The following PUS7 variants were observed in gnomAD, a reference collection of about 807,000 sequenced individuals.
PUS7 encodes pseudouridine synthase 7.
Under a neutral mutation model 79.8 loss-of-function variants are expected in PUS7, and 48 were observed. The ratio of observed to expected loss-of-function variants is 0.60; its 90% CI spans 0.48 to 0.76. The LOEUF (loss-of-function observed/expected upper bound fraction) is 0.76, where lower values mean the gene tolerates loss of function less well. Ranked by LOEUF, PUS7 falls within the 30% of genes least tolerant of loss-of-function variation. The pLI, the probability that PUS7 is intolerant of heterozygous loss-of-function variation, is 0.00. For synonymous variants in PUS7, 286 were observed against 272.2 expected (o/e 1.05, Z -0.50); for missense variants, 729 against 797.6 (o/e 0.91, Z 1.04).
chr7:105,503,696 G>A (rs888815020), intron 4 of PUS7, among the ~76,000 whole-genome samples: 1 of 152,054 alleles, frequency 6.6e-6, no homozygotes, highest in Non-Finnish European at 1.5e-5. Context: ...GCAGTGATGC[G>A]ACCTTGGCTC....
intron 12 of PUS7, among the ~76,000 whole-genome samples, 173 bp from the exon 13 acceptor site, chr7:105,465,587 C>T (rs569635982): frequency 8.5e-5 from 13 of 152,304 alleles, no homozygotes; most frequent in African/African-American, 2.9e-4. Context: ...AATCCCAGCA[C>T]TTTGGGAGGC....
chr7:105,518,568 A>G (rs1017576822), intron 1 of PUS7, among the ~76,000 whole-genome samples: 1 of 151,724 alleles, frequency 6.6e-6, no homozygotes, highest in African/African-American at 2.4e-5. Flanking sequence ...TGCCCAGTTA[A>G]TTTTTGTATT....
At chr7:105,483,635 G>C (rs1000127028) in intron 7 of PUS7, among the ~76,000 whole-genome samples, 6 of 151,572 alleles carry the variant, frequency 4.0e-5, no homozygotes, top group African/African-American at 1.5e-4. Context: ...TGAGAATACA[G>C]GTACATGCCA....
intron 6 of PUS7, among the ~76,000 whole-genome samples, chr7:105,493,071 AC>A (rs766241950): frequency 1.3e-5 from 2 of 152,234 alleles, no homozygotes; most frequent in Non-Finnish European, 2.9e-5. Context: ...ACAATTCATT[AC>A]ATTACATAAG....
At chr7:105,458,272 T>C (rs985709192) in intron 15 of PUS7, among the ~76,000 whole-genome samples, 7 of 152,148 alleles carry the variant, frequency 4.6e-5, no homozygotes, top group Non-Finnish European at 7.3e-5. Flanking sequence ...TTAATTAATT[T>C]TTTTTTGAGA....
intron 1 of PUS7, among the ~76,000 whole-genome samples, chr7:105,518,617 C>G (rs1429967479): frequency 1.3e-5 from 2 of 152,060 alleles, no homozygotes; most frequent in African/African-American, 4.8e-5. Flanking sequence ...GCCCACTAGT[C>G]TCAAACTCCT....
chr7:105,521,775 C>G (rs1826125181), intron 1 of PUS7, among the ~76,000 whole-genome samples: 1 of 152,048 alleles, frequency 6.6e-6, no homozygotes, highest in Non-Finnish European at 1.5e-5. Context: ...CGCTCGGGCG[C>G]GGCGCCTCCG....
intron 6 of PUS7, among the ~76,000 whole-genome samples, chr7:105,493,280 T>C (rs533554443): frequency 6.6e-6 from 1 of 152,320 alleles, no homozygotes; most frequent in Admixed American, 6.5e-5. Flanking sequence ...CCTAGTTAAC[T>C]AAGAAGTATT....
intron 9 of PUS7, among the ~76,000 whole-genome samples, chr7:105,476,207 A>T (rs1824104921): frequency 6.6e-6 from 1 of 151,176 alleles, no homozygotes; most frequent in African/African-American, 2.4e-5. Flanking sequence ...TTTTGTTTGG[A>T]TAAACACTTG....
intron 6 of PUS7, 46 bp downstream of exon 6, chr7:105,495,096 G>A (rs765451938): frequency 4.4e-5 from 50 of 1,129,334 alleles, no homozygotes; most frequent in South Asian, 8.3e-5. Flanking sequence ...AGGAATATAC[G>A]TTTCTGTTGC....
Position 105,522,261 on chromosome 7 carries a change from G to GCGGCCCGACTGGACCCGCCC in PUS7, c.-243_-242insGGGCGGGTCCAGTCGGGCCG, listed in dbSNP as rs1246083570. 2 of 151,768 alleles carry GCGGCCCGACTGGACCCGCCC rather than the reference G, an allele frequency of 1.3e-5. No homozygotes were observed. The highest frequency in any genetic ancestry group is 2.9e-5 in the Non-Finnish European group (2 of 67,898). The allele number at this position is 151,768 out of a possible 1,614,324, so 9.4% of individuals were successfully genotyped here. On this transcript the variant is annotated 5_prime_UTR_variant, in exon 1 of 16. Coordinates refer to ENST00000469408, the MANE Select transcript of PUS7 (RefSeq NM_019042.5). ...CACACGTGCGGCGCAGCGACGCGCC[G>GCGGCCCGACTGGACCCGCCC]CGGCCCGACTGGACCCGCCCCGGGG...
Position 105,457,713 on chromosome 7 carries a change from G to A in PUS7, c.*77C>T, listed in dbSNP as rs927019528. The A allele has an allele frequency of 1.0e-5, 15 of 1,470,706 alleles. No homozygotes were observed. The African/African-American group carries it at 1.7e-4, about 17-fold the overall frequency. The allele number at this position is 1,470,706 out of a possible 1,614,324, so 91.1% of individuals were successfully genotyped here. On this transcript the variant is annotated 3_prime_UTR_variant, in exon 16 of 16. Coordinates refer to ENST00000469408, the MANE Select transcript of PUS7 (RefSeq NM_019042.5). ...AGATTTGAAATCCATATATGAGTCT[G>A]AACTAAGACAAAAATGCACAGGGAG... is the stretch of plus-strand genomic sequence containing the variant.
chr7:105,477,695 A>G (rs768357715), intron 9 of PUS7, among the ~76,000 whole-genome samples: 1 of 151,542 alleles, frequency 6.6e-6, no homozygotes, highest in Non-Finnish European at 1.5e-5. Context: ...CATTTTTATT[A>G]CCCACCCCCA....
intron 1 of PUS7, among the ~76,000 whole-genome samples, chr7:105,509,362 C>T (rs1344335905): frequency 6.6e-6 from 1 of 152,088 alleles, no homozygotes; most frequent in Non-Finnish European, 1.5e-5. Flanking sequence ...CATCACAAGC[C>T]TTAAAAATAT....
intron 1 of PUS7, among the ~76,000 whole-genome samples, chr7:105,511,535 G>A (rs2133270850): frequency 6.6e-6 from 1 of 151,908 alleles, no homozygotes; most frequent in South Asian, 2.1e-4. Flanking sequence ...GCTGAGGTGG[G>A]TGGATCACCT....
chr7:105,493,144 TCA>T (rs1315276831), intron 6 of PUS7, among the ~76,000 whole-genome samples: 14 of 152,356 alleles, frequency 9.2e-5, no homozygotes, highest in South Asian at 2.1e-4. Context: ...AAATTTATCT[TCA>T]GTTTTTAAAA....
intron 7 of PUS7, among the ~76,000 whole-genome samples, chr7:105,487,542 G>T (rs1297919991): frequency 6.6e-6 from 1 of 152,148 alleles, no homozygotes; most frequent in Admixed American, 6.6e-5. Flanking sequence ...TGGTTGGTAT[G>T]GGTGCTCCCT....
chr7:105,487,236 A>G (rs1296309876), intron 7 of PUS7, among the ~76,000 whole-genome samples: 2 of 152,182 alleles, frequency 1.3e-5, no homozygotes, highest in African/African-American at 4.8e-5. Flanking sequence ...GTACCTATTC[A>G]GCAGTCACTC....
chr7:105,486,922 T>C (rs1360786865), intron 7 of PUS7, among the ~76,000 whole-genome samples: 3 of 152,018 alleles, frequency 2.0e-5, no homozygotes, highest in Non-Finnish European at 2.9e-5. Flanking sequence ...TGGCAGGGCA[T>C]GGTGGTGCAC....
Sources: gnomAD v4.1 joint callset for allele counts (sites outside exome capture counted in the v4.1 genomes callset) on GRCh38, gnomAD v4.1.1 for gene constraint, MANE v1.5 for transcripts, NCBI Gene and HGNC (gene_info 2026-07-23, HGNC 2026-07-21) for gene names.